VEPH1: variants seen among roughly 807,000 people sequenced by gnomAD.
VEPH1 encodes the protein ventricular zone-expressed PH domain-containing protein homolog 1.
VEPH1 carries 80 observed loss-of-function variants against 85.2 expected under a neutral mutation model. The ratio of observed to expected loss-of-function variants is 0.94; its 90% confidence interval spans 0.78 to 1.13. The LOEUF is 1.13. Among genes scored for constraint, VEPH1 ranks in the 50% most tolerant of loss-of-function variants. The pLI, the probability that VEPH1 is intolerant of heterozygous loss-of-function variation, is 0.00. For synonymous variants in VEPH1, 297 were observed against 348.0 expected, an observed-to-expected ratio of 0.85 and a Z score of 1.63; for missense variants, 955 against 980.5, an observed-to-expected ratio of 0.97 and a Z score of 0.35.
chr3:157,343,686 C>A (rs1372222629), intron 9 of VEPH1, among the ~76,000 whole-genome samples: 2 of 152,172 alleles, frequency 1.3e-5, no homozygotes, highest in Non-Finnish European at 2.9e-5. Flanking sequence ...ATGAGGCCAG[C>A]ATCATCCTGT....
At chr3:157,369,508 A>G (rs1354171488) in intron 7 of VEPH1, among the ~76,000 whole-genome samples, 1 of 152,228 alleles carries the variant, frequency 6.6e-6, no homozygotes, top group Admixed American at 6.5e-5. Context: ...CACAGAAGTC[A>G]GTGGACTGGG....
chr3:157,359,233 T>C (rs904121093), intron 9 of VEPH1, among the ~76,000 whole-genome samples: 3 of 152,232 alleles, frequency 2.0e-5, no homozygotes, highest in African/African-American at 4.8e-5. Flanking sequence ...CAAGGATTTA[T>C]TACAATATCA....
At chr3:157,403,610 C>T (rs1318659562) in intron 6 of VEPH1, among the ~76,000 whole-genome samples, 1 of 152,162 alleles carries the variant, frequency 6.6e-6, no homozygotes, top group Non-Finnish European at 1.5e-5. Flanking sequence ...CACTTGCATA[C>T]AGTGCCTTGC....
chr3:157,463,779 TATCCCTTTCAC>T (rs1736105311), intron 3 of VEPH1, among the ~76,000 whole-genome samples: 1 of 152,132 alleles, frequency 6.6e-6, no homozygotes, highest in Non-Finnish European at 1.5e-5. Flanking sequence ...AGACTTAGGG[TATCCCTTTCAC>T]ATTTTCAGGA....
intron 2 of VEPH1, among the ~76,000 whole-genome samples, chr3:157,482,051 C>T (rs115564348): frequency 1.3e-5 from 2 of 152,196 alleles, no homozygotes; most frequent in Non-Finnish European, 2.9e-5. Flanking sequence ...TATACCAGTA[C>T]CATGCTGTCT....
At chr3:157,438,073 C>A (rs1049981106) in intron 4 of VEPH1, among the ~76,000 whole-genome samples, 31 of 136,864 alleles carry the variant, frequency 2.3e-4, no homozygotes, top group African/African-American at 7.6e-4. Context: ...ACACACACAC[C>A]CCTATTTCTG....
chr3:157,408,828 G>A (rs1731327275), intron 6 of VEPH1, among the ~76,000 whole-genome samples: 1 of 152,038 alleles, frequency 6.6e-6, no homozygotes, highest in Non-Finnish European at 1.5e-5. Flanking sequence ...GGGTGTGCAG[G>A]GAAGGGTGTA....
At chr3:157,278,111 A>G (rs1385103984) in intron 12 of VEPH1, among the ~76,000 whole-genome samples, 2 of 152,214 alleles carry the variant, frequency 1.3e-5, no homozygotes, top group African/African-American at 4.8e-5. Flanking sequence ...TGGAGGAAGT[A>G]GACATTGATC....
chr3:157,404,726 T>C (rs1290929807), intron 6 of VEPH1, among the ~76,000 whole-genome samples: 1 of 152,178 alleles, frequency 6.6e-6, no homozygotes, highest in Non-Finnish European at 1.5e-5. Flanking sequence ...GCCATGTGTC[T>C]TAGCAGAATG....
At chr3:157,394,168 T>C (rs10513514) in intron 6 of VEPH1, among the ~76,000 whole-genome samples, 10,239 of 152,296 alleles carry the variant, frequency 0.067, 505 homozygotes, top group South Asian at 0.18. Flanking sequence ...GCAAGGAAAG[T>C]GTCGACTGTT....
chr3:157,472,022 G>A (rs1206608424), intron 2 of VEPH1, among the ~76,000 whole-genome samples: 3 of 152,030 alleles, frequency 2.0e-5, no homozygotes, highest in Admixed American at 6.6e-5. Flanking sequence ...CCCTGTCAGC[G>A]CTGTTCCTCA....
intron 5 of VEPH1, 66 bp downstream of exon 5, chr3:157,428,256 C>T (rs748959872): frequency 2.2e-5 from 35 of 1,556,906 alleles, no homozygotes; most frequent in African/African-American, 1.1e-4. Flanking sequence ...TAAGCACATA[C>T]GCTGTTCACA....
chr3:157,353,178 A>C (rs1400815453), intron 9 of VEPH1, among the ~76,000 whole-genome samples: 1 of 152,190 alleles, frequency 6.6e-6, no homozygotes, highest in Non-Finnish European at 1.5e-5. Context: ...TTCTTATTAA[A>C]AATTTCCAAA....
At chr3:157,268,326 T>C (rs569015026) in intron 12 of VEPH1, among the ~76,000 whole-genome samples, 1 of 152,070 alleles carries the variant, frequency 6.6e-6, no homozygotes, top group Admixed American at 6.5e-5. Context: ...CAGTACACCA[T>C]TGAGTCACAA....
At chr3:157,392,713 C>G (rs1206548336) in intron 6 of VEPH1, among the ~76,000 whole-genome samples, 2 of 152,076 alleles carry the variant, frequency 1.3e-5, no homozygotes, top group African/African-American at 4.8e-5. Flanking sequence ...CTCATGTGGC[C>G]TACAGGTTGT....
At chr3:157,271,962 A>G (rs1714615113) in intron 12 of VEPH1, among the ~76,000 whole-genome samples, 1 of 152,240 alleles carries the variant, frequency 6.6e-6, no homozygotes, top group Non-Finnish European at 1.5e-5. Context: ...CATTTAGTCC[A>G]TTATTAAAGA....
At chr3:157,458,543 T>G (rs1335487933) in intron 4 of VEPH1, among the ~76,000 whole-genome samples, 1 of 152,162 alleles carries the variant, frequency 6.6e-6, no homozygotes, top group Non-Finnish European at 1.5e-5. Flanking sequence ...AGATGCATAG[T>G]TTGCAAAAAT....
At chr3:157,404,201 C>A (rs753528489) in intron 6 of VEPH1, among the ~76,000 whole-genome samples, 1 of 152,064 alleles carries the variant, frequency 6.6e-6, no homozygotes, top group Non-Finnish European at 1.5e-5. Flanking sequence ...TTGGCAAGTA[C>A]CTGTGAGCCA....
chr3:157,367,923 C>T (rs768985421), intron 7 of VEPH1, among the ~76,000 whole-genome samples: 3 of 152,174 alleles, frequency 2.0e-5, no homozygotes, highest in African/African-American at 4.8e-5. Flanking sequence ...ACAATAATCA[C>T]ATTTTCTTCA....
Sources: allele counts gnomAD v4.1 joint callset (sites outside exome capture counted in the v4.1 genomes callset), GRCh38; gene constraint gnomAD v4.1.1; transcripts MANE v1.5; gene names NCBI Gene and HGNC (gene_info 2026-07-23, HGNC 2026-07-21).